The following NRXN1 variants were observed in gnomAD, a reference collection of about 807,000 sequenced individuals.
NRXN1 encodes neurexin-1.
A neutral mutation model predicts 150.9 loss-of-function variants in NRXN1; 39 were observed. That is an observed-to-expected ratio of 0.26 (90% CI 0.20 to 0.34). The LOEUF is 0.34. Ranked by LOEUF, NRXN1 falls within the 10% of genes least tolerant of loss-of-function variation. The pLI, the probability that NRXN1 is intolerant of heterozygous loss-of-function variation, is 1.00. For synonymous variants in NRXN1, 924 were observed against 757.0 expected (o/e 1.22, Z -3.62); for missense variants, 1,815 against 1,949.9 (o/e 0.93, Z 1.30).
intron 5 of NRXN1, among the ~76,000 whole-genome samples, chr2:50,664,663 A>G (rs9309184): frequency 0.5 from 76,157 of 151,372 alleles, 19,536 homozygotes; most frequent in East Asian, 0.82. Context: ...TAGCTAGCTC[A>G]TCTCATCCAG....
chr2:51,027,472 G>C, intron 2 of NRXN1, 30 bp downstream of exon 2: 2 of 1,482,146 alleles, frequency 1.3e-6, no homozygotes, highest in South Asian at 1.4e-5. Context: ...CCCAGGCCCC[G>C]GCCCCCGTGG....
At chr2:50,031,353 A>T (rs1317335765) in intron 21 of NRXN1, among the ~76,000 whole-genome samples, 1 of 152,004 alleles carries the variant, frequency 6.6e-6, no homozygotes, top group Non-Finnish European at 1.5e-5. Flanking sequence ...ATAGAATCCA[A>T]AGAAATATCT....
intron 19 of NRXN1, among the ~76,000 whole-genome samples, chr2:50,083,800 A>C (rs779308819): frequency 6.6e-5 from 10 of 151,928 alleles, no homozygotes; most frequent in Non-Finnish European, 1.0e-4. Flanking sequence ...CCCACTAGAT[A>C]AGCTAGATAC....
intron 17 of NRXN1, among the ~76,000 whole-genome samples, chr2:50,450,101 G>C (rs1029077432): frequency 2.0e-5 from 3 of 152,222 alleles, no homozygotes; most frequent in Admixed American, 6.5e-5. Context: ...TATTGTTATA[G>C]AAGGTGCTCA....
chr2:50,796,562 T>C (rs1706861302), intron 5 of NRXN1, among the ~76,000 whole-genome samples: 1 of 152,122 alleles, frequency 6.6e-6, no homozygotes, highest in Non-Finnish European at 1.5e-5. Flanking sequence ...TCACACTTTC[T>C]CAGTAGTTCA....
intron 5 of NRXN1, among the ~76,000 whole-genome samples, chr2:50,834,185 GA>G (rs535840816): frequency 1.3e-5 from 2 of 151,924 alleles, no homozygotes; most frequent in African/African-American, 2.4e-5. Flanking sequence ...AAAGACTAAA[GA>G]AAAAAAATCC....
chr2:50,052,075 G>C (rs575575232), intron 21 of NRXN1, among the ~76,000 whole-genome samples: 68 of 151,998 alleles, frequency 4.5e-4, no homozygotes, highest in Non-Finnish European at 8.0e-4. Context: ...GTAAAAATCA[G>C]AGTCAATTTT....
chr2:50,182,299 C>G (rs1023122999), intron 18 of NRXN1, among the ~76,000 whole-genome samples: 1 of 151,874 alleles, frequency 6.6e-6, no homozygotes, highest in East Asian at 1.9e-4. Context: ...TAAGATTTTA[C>G]ATGTGGCATT....
At chr2:50,769,926 G>A (rs1444413954) in intron 5 of NRXN1, among the ~76,000 whole-genome samples, 5 of 152,040 alleles carry the variant, frequency 3.3e-5, no homozygotes, top group African/African-American at 7.2e-5. Flanking sequence ...AATAATGTTT[G>A]GGAATTGTAC....
At chr2:50,565,286 A>AT (rs1669674634) in intron 8 of NRXN1, among the ~76,000 whole-genome samples, 1 of 152,136 alleles carries the variant, frequency 6.6e-6, no homozygotes, top group Admixed American at 6.5e-5. Context: ...TAAAAAAAAA[A>AT]GAAAAGAAAG....
intron 17 of NRXN1, among the ~76,000 whole-genome samples, chr2:50,350,543 A>C (rs1227182082): frequency 6.6e-6 from 1 of 152,230 alleles, no homozygotes; most frequent in African/African-American, 2.4e-5. Flanking sequence ...AAGGATCATC[A>C]AAGTGCCAGG....
At position 50,115,217 on chromosome 2, in the gene NRXN1, G is replaced by GTATATATATATATATA. The variant is rs35673922; in HGVS notation, c.3547-23739_3547-23724dup. ...ACAAAAAAACATATATATGTTATGTGTATATATATATATATATATATATAC... is the reference window on the plus strand; with the variant it reads ...ACAAAAAAACATATATATGTTATGTGTATATATATATATATATATATATATATATATATATATATAC... On this transcript the variant is annotated intron_variant, in intron 18 of 22. Coordinates refer to ENST00000401669, the MANE Select transcript of NRXN1 (RefSeq NM_001330078.2). Among the ~76,000 whole-genome samples, 69 of 134,914 alleles carry GTATATATATATATATA rather than the reference G, an allele frequency of 5.1e-4. 1 individual carries two copies. The highest frequency in any genetic ancestry group is 8.1e-3 in the Middle Eastern group (2 of 246). 88.5% of individuals were successfully genotyped at this position (134,914 alleles called of 152,430 possible).
intron 5 of NRXN1, among the ~76,000 whole-genome samples, chr2:50,685,838 T>C (rs550039705): frequency 8.5e-5 from 13 of 152,266 alleles, no homozygotes; most frequent in African/African-American, 2.2e-4. Context: ...TGGAAAATCA[T>C]AGCAAACTGG....
At chr2:50,646,648 T>A (rs1443370729) in intron 5 of NRXN1, among the ~76,000 whole-genome samples, 1 of 151,446 alleles carries the variant, frequency 6.6e-6, no homozygotes, top group Non-Finnish European at 1.5e-5. Context: ...TACGGAAAAG[T>A]CCCCTTTTTA....
chr2:50,867,712 T>C (rs1407921728), intron 5 of NRXN1, among the ~76,000 whole-genome samples: 1 of 151,844 alleles, frequency 6.6e-6, no homozygotes, highest in Non-Finnish European at 1.5e-5. Flanking sequence ...TCCAGGGTAT[T>C]TTAAAAAGCA....
At chr2:50,220,013 T>TTA (rs1412113603) in intron 18 of NRXN1, among the ~76,000 whole-genome samples, 27 of 100,542 alleles carry the variant, frequency 2.7e-4, no homozygotes, top group African/African-American at 4.0e-4. Flanking sequence ...ATATAATATA[T>TTA]TATATATATA....
intron 18 of NRXN1, among the ~76,000 whole-genome samples, chr2:50,184,270 T>C (rs1296435573): frequency 6.6e-6 from 1 of 152,022 alleles, no homozygotes; most frequent in African/African-American, 2.4e-5. Context: ...ATTCCTTAAA[T>C]AATTATTTTA....
At chr2:50,105,698 A>G (rs1476064740) in intron 18 of NRXN1, among the ~76,000 whole-genome samples, 1 of 151,990 alleles carries the variant, frequency 6.6e-6, no homozygotes, top group Non-Finnish European at 1.5e-5. Flanking sequence ...TAGTTTCCCA[A>G]AGGTAATAAA....
At chr2:50,603,212 C>A (rs1317846237) in intron 8 of NRXN1, among the ~76,000 whole-genome samples, 3 of 152,168 alleles carry the variant, frequency 2.0e-5, no homozygotes, top group African/African-American at 7.2e-5. Context: ...TTAAAAACAT[C>A]ATGTGTTTTG....
Sources: allele counts gnomAD v4.1 joint callset (sites outside exome capture counted in the v4.1 genomes callset), GRCh38; gene constraint gnomAD v4.1.1; transcripts MANE v1.5; gene names NCBI Gene and HGNC (gene_info 2026-07-23, HGNC 2026-07-21).